Variants in RBFOX1 observed in about 807,000 individuals in gnomAD.
RBFOX1 encodes the protein RNA binding protein fox-1 homolog 1.
Under a neutral mutation model 57.7 loss-of-function variants are expected in RBFOX1, and 8 were observed. That is an observed-to-expected ratio of 0.14 (90% CI 0.08 to 0.25). The LOEUF (loss-of-function observed/expected upper bound fraction) is 0.25. Ranked by LOEUF, RBFOX1 falls within the 10% of genes least tolerant of loss-of-function variation. The pLI, the probability that RBFOX1 is intolerant of heterozygous loss-of-function variation, is 1.00. For missense variants in RBFOX1, 611 were observed against 548.5 expected, an observed-to-expected ratio of 1.11 and a Z score of -1.14; for synonymous variants, 326 against 222.4, an observed-to-expected ratio of 1.47 and a Z score of -4.15.
chr16:6,075,807 T>G (rs1291092661), intron 1 of RBFOX1, among the ~76,000 whole-genome samples: 2 of 152,234 alleles, frequency 1.3e-5, no homozygotes, highest in Admixed American at 1.3e-4. Flanking sequence ...CTGAATTAAC[T>G]GTAACTATCT....
chr16:6,392,490 A>G (rs1478035916), intron 2 of RBFOX1, among the ~76,000 whole-genome samples: 1 of 152,210 alleles, frequency 6.6e-6, no homozygotes, highest in African/African-American at 2.4e-5. Context: ...TTTCATTTGT[A>G]AAAGAGATTG....
chr16:7,068,622 T>C (rs1423629983), intron 4 of RBFOX1, among the ~76,000 whole-genome samples: 1 of 152,206 alleles, frequency 6.6e-6, no homozygotes, highest in East Asian at 1.9e-4. Context: ...GTTTCACTCT[T>C]GTTTCCCAGG....
chr16:6,193,518 G>A (rs906164004), intron 1 of RBFOX1, among the ~76,000 whole-genome samples: 1 of 148,778 alleles, frequency 6.7e-6, no homozygotes, highest in South Asian at 2.1e-4. Context: ...CCTAGAGCAA[G>A]TCACATAACC....
chr16:6,255,046 T>C (rs2097651735), intron 1 of RBFOX1, among the ~76,000 whole-genome samples: 1 of 152,174 alleles, frequency 6.6e-6, no homozygotes, highest in Non-Finnish European at 1.5e-5. Flanking sequence ...CTTCCTTTTA[T>C]GTCATTCTTA....
intron 1 of RBFOX1, among the ~76,000 whole-genome samples, chr16:6,126,044 A>G (rs948365914): frequency 6.6e-6 from 1 of 152,232 alleles, no homozygotes; most frequent in Non-Finnish European, 1.5e-5. Flanking sequence ...TCCTTTTCCT[A>G]TGACAAATGA....
chr16:7,347,302 G>C (rs1445118248), intron 4 of RBFOX1, among the ~76,000 whole-genome samples: 1 of 152,168 alleles, frequency 6.6e-6, no homozygotes, highest in South Asian at 2.1e-4. Flanking sequence ...CAGGTGGCTG[G>C]GGAGCCCTCA....
chr16:6,810,890 A>G (rs1397315915), intron 3 of RBFOX1, among the ~76,000 whole-genome samples: 1 of 152,176 alleles, frequency 6.6e-6, no homozygotes, highest in Non-Finnish European at 1.5e-5. Context: ...TTACGGTTCA[A>G]GAGCTGATTT....
intron 3 of RBFOX1, among the ~76,000 whole-genome samples, chr16:5,787,520 A>G (rs751778053): frequency 6.6e-6 from 1 of 152,152 alleles, no homozygotes; most frequent in Non-Finnish European, 1.5e-5. Flanking sequence ...CTGACCCCAT[A>G]CTCAAGGACA....
At chr16:6,665,826 A>G (rs759980413) in intron 3 of RBFOX1, among the ~76,000 whole-genome samples, 1 of 152,120 alleles carries the variant, frequency 6.6e-6, no homozygotes, top group Non-Finnish European at 1.5e-5. Flanking sequence ...GACAGATACA[A>G]TATTTATCCC....
intron 1 of RBFOX1, among the ~76,000 whole-genome samples, chr16:5,243,749 C>T (rs928262140): frequency 6.6e-6 from 1 of 152,028 alleles, no homozygotes; most frequent in Non-Finnish European, 1.5e-5. Context: ...ATGAGCCATG[C>T]GGTCTTGGAA....
chr16:7,464,768 C>G (rs542593942), intron 4 of RBFOX1, among the ~76,000 whole-genome samples: 6 of 142,888 alleles, frequency 4.2e-5, no homozygotes, highest in Admixed American at 7.3e-5. Flanking sequence ...GTGATCTCGG[C>G]TCACTTCAAG....
chr16:5,891,294 G>A lies in RBFOX1; in HGVS notation c.351+23959G>A, dbSNP rs141637158. Among the ~76,000 whole-genome samples, 272 of 152,270 alleles carry A rather than the reference G, an allele frequency of 1.8e-3. 1 individual carries two copies. Among genetic ancestry groups the A allele is most frequent in the African/African-American group, 6.0e-3 (250 of 41,560 alleles). ...GAGGAGCTGTCGGATGGCTGGAGCC[G>A]TTTCAGTGCACCAGCTGATCGCAGC... On this transcript the variant is annotated intron_variant, in intron 4 of 19. Transcript: ENST00000641259.
intron 3 of RBFOX1, among the ~76,000 whole-genome samples, chr16:6,961,004 C>T (rs905327586): frequency 6.8e-6 from 1 of 147,642 alleles, no homozygotes; most frequent in Admixed American, 6.8e-5. Context: ...ATTAGCTGGG[C>T]ATGGTGGCCA....
At chr16:7,041,627 T>C (rs1448488127) in intron 3 of RBFOX1, among the ~76,000 whole-genome samples, 1 of 152,132 alleles carries the variant, frequency 6.6e-6, no homozygotes, top group Non-Finnish European at 1.5e-5. Flanking sequence ...AAACAGTCAG[T>C]ACCAATTTAC....
chr16:6,069,530 CAA>C (rs1473922001), intron 1 of RBFOX1, among the ~76,000 whole-genome samples: 1 of 151,790 alleles, frequency 6.6e-6, no homozygotes, highest in Admixed American at 6.6e-5. Flanking sequence ...AAGAGATAAA[CAA>C]GATTAATTTT....
chr16:6,211,188 C>CTTATTCTTT (rs777911340), intron 1 of RBFOX1, among the ~76,000 whole-genome samples: 5 of 91,300 alleles, frequency 5.5e-5, no homozygotes, highest in South Asian at 3.4e-4. Flanking sequence ...TTTTCTTCTT[C>CTTATTCTTT]TTTTTTTTTT....
chr16:6,567,886 T>C (rs1403915638), intron 2 of RBFOX1, among the ~76,000 whole-genome samples: 2 of 152,116 alleles, frequency 1.3e-5, no homozygotes, highest in African/African-American at 4.8e-5. Flanking sequence ...AGTGGTGAGA[T>C]TACAGTTTGC....
At chr16:6,344,161 A>G (rs2084966259) in intron 2 of RBFOX1, among the ~76,000 whole-genome samples, 1 of 151,438 alleles carries the variant, frequency 6.6e-6, no homozygotes, top group Non-Finnish European at 1.5e-5. Flanking sequence ...CCGGGTTCAA[A>G]TGATTCTCAT....
chr16:7,400,289 A>C (rs142708470), intron 4 of RBFOX1, among the ~76,000 whole-genome samples: 1 of 152,292 alleles, frequency 6.6e-6, no homozygotes, highest in African/African-American at 2.4e-5. Context: ...GGGGAGGGGC[A>C]AGGATAGGCA....
Sources: allele counts gnomAD v4.1 joint callset (sites outside exome capture counted in the v4.1 genomes callset), GRCh38; gene constraint gnomAD v4.1.1; transcripts MANE v1.5; gene names NCBI Gene and HGNC (gene_info 2026-07-23, HGNC 2026-07-21).